SNX13: variants seen among roughly 807,000 people sequenced by gnomAD.
The protein encoded by SNX13 is sorting nexin 13, also known as sorting nexin-13.
A neutral mutation model predicts 133.6 loss-of-function variants in SNX13; 45 were observed. That is an observed-to-expected ratio of 0.34 (90% CI 0.27 to 0.43). The LOEUF is 0.43. Ranked by LOEUF, SNX13 falls within the 20% of genes least tolerant of loss-of-function variation. SNX13 has a pLI of 1.00. For synonymous variants in SNX13, 414 were observed against 373.9 expected (o/e 1.11, Z -1.24); for missense variants, 1,032 against 1,145.1 (o/e 0.90, Z 1.43).
chr7:17,884,202 G>A (rs1359762130), intron 5 of SNX13, among the ~76,000 whole-genome samples: 1 of 152,178 alleles, frequency 6.6e-6, no homozygotes, highest in Non-Finnish European at 1.5e-5. Flanking sequence ...TTGTGACTAT[G>A]TATGCACAGC....
intron 15 of SNX13, chr7:17,830,366 T>C (rs1788357006): frequency 1.0e-6 from 1 of 984,164 alleles, no homozygotes; most frequent in African/African-American, 1.8e-5. Context: ...TAATACAATA[T>C]AAGCATGAGG....
At chr7:17,925,632 T>A (rs1800659368) in intron 1 of SNX13, among the ~76,000 whole-genome samples, 1 of 152,148 alleles carries the variant, frequency 6.6e-6, no homozygotes, top group South Asian at 2.1e-4. Context: ...GCAATTTTGC[T>A]CCCCATGAGA....
chr7:17,870,366 G>T (rs1041181500), intron 8 of SNX13, among the ~76,000 whole-genome samples: 1 of 151,984 alleles, frequency 6.6e-6, no homozygotes, highest in Non-Finnish European at 1.5e-5. Context: ...TATCCTGTGA[G>T]AAATTTTAGA....
At chr7:17,906,037 A>G (rs1042870092) in intron 1 of SNX13, among the ~76,000 whole-genome samples, 1 of 152,210 alleles carries the variant, frequency 6.6e-6, no homozygotes, top group Non-Finnish European at 1.5e-5. Context: ...TATGATTCTT[A>G]CTCAACATAT....
chr7:17,934,197 T>C (rs1487037319), intron 1 of SNX13, among the ~76,000 whole-genome samples: 1 of 152,176 alleles, frequency 6.6e-6, no homozygotes, highest in Non-Finnish European at 1.5e-5. Context: ...TACACATATT[T>C]AAGGCTTTGT....
chr7:17,870,358 T>A (rs765971569), intron 8 of SNX13, among the ~76,000 whole-genome samples: 2 of 152,010 alleles, frequency 1.3e-5, no homozygotes, highest in Non-Finnish European at 2.9e-5. Flanking sequence ...AACAAAAATA[T>A]CCTGTGAGAA....
At chr7:17,882,671 G>A in intron 5 of SNX13, 1 of 410,570 alleles carries the variant, frequency 2.4e-6, no homozygotes, top group South Asian at 4.1e-5. Flanking sequence ...GTGTGATGGA[G>A]TATGTTAGTG....
At chr7:17,895,466 T>G (rs1178384746) in intron 2 of SNX13, among the ~76,000 whole-genome samples, 1 of 152,138 alleles carries the variant, frequency 6.6e-6, no homozygotes, top group Non-Finnish European at 1.5e-5. Context: ...TTATCAACAC[T>G]TGACAAGAAT....
At chr7:17,904,869 A>T (rs1405474386) in intron 1 of SNX13, among the ~76,000 whole-genome samples, 1 of 152,200 alleles carries the variant, frequency 6.6e-6, no homozygotes, top group Non-Finnish European at 1.5e-5. Flanking sequence ...ATTTCAATAA[A>T]ATGTGCTCCT....
chr7:17,839,042 A>G (rs1789525592), intron 13 of SNX13, among the ~76,000 whole-genome samples: 1 of 149,810 alleles, frequency 6.7e-6, no homozygotes, highest in Admixed American at 6.7e-5. Context: ...AATTATTACA[A>G]TATTATTAGA....
chr7:17,803,229 T>C (rs760399216), intron 21 of SNX13, among the ~76,000 whole-genome samples, 190 bp downstream of exon 21: 1 of 152,160 alleles, frequency 6.6e-6, no homozygotes, highest in South Asian at 2.1e-4. Context: ...AACAAGCAAG[T>C]GGATTTTACT....
At chr7:17,920,731 T>C (rs572041552) in intron 1 of SNX13, among the ~76,000 whole-genome samples, 7 of 152,214 alleles carry the variant, frequency 4.6e-5, no homozygotes, top group Non-Finnish European at 1.0e-4. Context: ...TTTGATTCTC[T>C]ATGCATAAAA....
chr7:17,849,421 C>G (rs1790937827), intron 11 of SNX13, among the ~76,000 whole-genome samples: 1 of 152,154 alleles, frequency 6.6e-6, no homozygotes, highest in African/African-American at 2.4e-5. Flanking sequence ...CAAATAATCT[C>G]TCAGTTTCCA....
chr7:17,845,177 C>T (rs926591873), intron 12 of SNX13, among the ~76,000 whole-genome samples: 21 of 151,354 alleles, frequency 1.4e-4, no homozygotes, highest in Admixed American at 4.6e-4. Flanking sequence ...CACACACACA[C>T]GAATATTATT....
At chr7:17,922,430 T>C (rs1415267924) in intron 1 of SNX13, among the ~76,000 whole-genome samples, 1 of 152,226 alleles carries the variant, frequency 6.6e-6, no homozygotes, top group Non-Finnish European at 1.5e-5. Flanking sequence ...GTATGTTTTG[T>C]TCAGTGTTGT....
At chr7:17,928,307 C>T (rs1043067452) in intron 1 of SNX13, among the ~76,000 whole-genome samples, 1 of 152,050 alleles carries the variant, frequency 6.6e-6, no homozygotes, top group Non-Finnish European at 1.5e-5. Flanking sequence ...CCAGCCTGGG[C>T]AATATAGCAA....
chr7:17,865,632 C>A (rs529503240), intron 9 of SNX13, among the ~76,000 whole-genome samples: 26 of 152,090 alleles, frequency 1.7e-4, no homozygotes, highest in Non-Finnish European at 3.2e-4. Flanking sequence ...AAAAAATAAT[C>A]CCAAAATGTA....
intron 1 of SNX13, among the ~76,000 whole-genome samples, chr7:17,929,063 G>A (rs1000343816): frequency 1.3e-5 from 2 of 151,896 alleles, no homozygotes; most frequent in South Asian, 2.1e-4. Flanking sequence ...TTTGAGAAGG[G>A]GTAGAAAGAT....
intron 20 of SNX13, among the ~76,000 whole-genome samples, chr7:17,808,816 A>C (rs1785631876): frequency 6.6e-6 from 1 of 152,224 alleles, no homozygotes. Context: ...TTCTTAAAAA[A>C]AAAGAATTCT....
Sources: allele counts gnomAD v4.1 joint callset (sites outside exome capture counted in the v4.1 genomes callset), GRCh38; gene constraint gnomAD v4.1.1; transcripts MANE v1.5; gene names NCBI Gene and HGNC (gene_info 2026-07-23, HGNC 2026-07-21).